MACF1: variants seen among roughly 807,000 people sequenced by gnomAD.
The protein encoded by MACF1 is microtubule-actin cross-linking factor 1.
In MACF1, 193 loss-of-function variants were observed where a neutral mutation model predicts 854.8. The ratio of observed to expected loss-of-function variants is 0.23; its 90% CI spans 0.20 to 0.25. The LOEUF (loss-of-function observed/expected upper bound fraction) is 0.25. Among genes scored for constraint, MACF1 ranks in the 10% least tolerant of loss-of-function variants. MACF1 has a pLI of 1.00. For missense variants in MACF1, 7,722 were observed against 8,929.1 expected, an observed-to-expected ratio of 0.86 and a Z score of 5.45; for synonymous variants, 3,185 against 3,226.7, an observed-to-expected ratio of 0.99 and a Z score of 0.44.
chr1:39,213,537 G>A (rs1644541112), intron 1 of MACF1, among the ~76,000 whole-genome samples: 1 of 152,050 alleles, frequency 6.6e-6, no homozygotes, highest in Non-Finnish European at 1.5e-5. Context: ...GTTTTACCGT[G>A]TTGGCCCCAG....
intron 2 of MACF1, among the ~76,000 whole-genome samples, chr1:39,153,270 G>C (rs1023975571): frequency 6.6e-6 from 1 of 152,096 alleles, no homozygotes; most frequent in Non-Finnish European, 1.5e-5. Flanking sequence ...AGGTTATTTT[G>C]GGATTTTATA....
Position 39,447,768 on chromosome 1 carries a change from T to G in MACF1, c.19838T>G (p.Leu6613Arg), listed in dbSNP as rs753513515. The G allele has an allele frequency of 6.2e-7, 1 of 1,614,066 alleles. No homozygotes were observed. The highest frequency in any genetic ancestry group is 8.5e-7 in the Non-Finnish European group (1 of 1,180,012). The change falls in exon 82 of 101, where the codon CTT becomes CGT. Residue 6613 changes from leucine (L) to arginine (R), a missense_variant. Physicochemically the swap from Leu to Arg is moderately radical, Grantham distance 102. Coordinates refer to ENST00000564288, the MANE Select transcript of MACF1 (RefSeq NM_001394062.1). ...LDQTGNQLKFLSQKQDVVLIK... is the reference protein window; with the variant it reads ...LDQTGNQLKFRSQKQDVVLIK... Reference sequence around the variant, plus strand: ...CAAACTGGGAATCAATTAAAGTTCCTTAGCCAAAAGCAGGATGTTGTTCTG... The same window carrying G: ...CAAACTGGGAATCAATTAAAGTTCCGTAGCCAAAAGCAGGATGTTGTTCTG...
intron 2 of MACF1, among the ~76,000 whole-genome samples, chr1:39,097,066 G>A (rs1261995033): frequency 1.3e-5 from 2 of 151,692 alleles, no homozygotes; most frequent in Non-Finnish European, 2.9e-5. Context: ...TAGTAGAGAC[G>A]GAGTTTCACC....
intron 2 of MACF1, among the ~76,000 whole-genome samples, chr1:39,137,206 A>G (rs1001616778): frequency 2.6e-5 from 4 of 152,180 alleles, no homozygotes; most frequent in African/African-American, 7.2e-5. Context: ...AGTAACTGCA[A>G]TTACAGATGT....
At chr1:39,369,258 A>G (rs1186248106) in intron 50 of MACF1, among the ~76,000 whole-genome samples, 1 of 152,192 alleles carries the variant, frequency 6.6e-6, no homozygotes, top group East Asian at 1.9e-4. Context: ...TTGAAAAGCC[A>G]TGATTCCTCA....
chr1:39,259,062 T>C (rs1489215196), intron 6 of MACF1, among the ~76,000 whole-genome samples: 1 of 152,198 alleles, frequency 6.6e-6, no homozygotes, highest in Non-Finnish European at 1.5e-5. Flanking sequence ...GTAGGTGTGC[T>C]CTGTCTGGCA....
In MACF1 at chr1:39,460,815, A is replaced by G. The variant is rs1341105005; in HGVS notation, c.21523+21A>G. The G allele has an allele frequency of 6.2e-7, 1 of 1,613,332 alleles. No homozygotes were observed. The highest frequency in any genetic ancestry group is 8.5e-7 in the Non-Finnish European group (1 of 1,179,418). ...ATCCAGTGAGTCTAGTCATCATTCCAAACATGGGTCACACCTGGATTCCTT... is the reference window on the plus strand; with the variant it reads ...ATCCAGTGAGTCTAGTCATCATTCCGAACATGGGTCACACCTGGATTCCTT... On this transcript the variant is annotated intron_variant, in intron 92 of 100. Transcript: ENST00000564288. The surrounding 1 kb of genome is among the most constrained non-coding windows in gnomAD (Gnocchi z 4.1).
intron 58 of MACF1, among the ~76,000 whole-genome samples, chr1:39,397,754 G>C (rs552760522): frequency 6.6e-6 from 1 of 152,262 alleles, no homozygotes; most frequent in African/African-American, 2.4e-5. Flanking sequence ...TTGGGTACTT[G>C]AAGTATGGTT....
intron 52 of MACF1, among the ~76,000 whole-genome samples, chr1:39,373,686 C>T (rs1557616489): frequency 6.7e-6 from 1 of 150,216 alleles, no homozygotes; most frequent in Admixed American, 6.6e-5. Flanking sequence ...AACCTTGTCT[C>T]TACTAAAAAT....
At chr1:39,165,507 A>AT (rs1038008945) in intron 2 of MACF1, among the ~76,000 whole-genome samples, 14 of 152,048 alleles carry the variant, frequency 9.2e-5, no homozygotes, top group East Asian at 3.9e-4. Flanking sequence ...TGCAATGTGT[A>AT]TTTTTTTTGT....
intron 23 of MACF1, among the ~76,000 whole-genome samples, chr1:39,305,363 A>G (rs1646149480): frequency 6.6e-6 from 1 of 152,046 alleles, no homozygotes; most frequent in African/African-American, 2.4e-5. Flanking sequence ...AAAATTAGCT[A>G]TCACCTCTCC....
chr1:39,282,442 A>G, intron 7 of MACF1, 68 bp downstream of exon 7: 1 of 1,446,968 alleles, frequency 6.9e-7, no homozygotes, highest in Non-Finnish European at 9.3e-7. Context: ...ATTAGTTATA[A>G]TACTGTTTCC....
rs532500821 is a variant in MACF1, at chr1:39,436,383, C to T, written c.17988+622C>T. 45 of 1,274,272 alleles carry T rather than the reference C, an allele frequency of 3.5e-5. No individual in the cohort carries two copies. In the African/African-American group the frequency reaches 4.4e-4, roughly 12 times the overall value. 78.9% of individuals were successfully genotyped at this position (1,274,272 alleles called of 1,614,324 possible). On this transcript the variant is annotated intron_variant, in intron 70 of 100. Transcript: ENST00000564288. The stretch of plus-strand genomic sequence containing the variant: ...CCCACCTTCCGTCCCATCTCTCACT[C>T]ACATTGTGGAATGTGTTACTTTGTG...
chr1:39,092,186 C>T (rs1641824682), intron 2 of MACF1, among the ~76,000 whole-genome samples: 1 of 152,182 alleles, frequency 6.6e-6, no homozygotes, highest in African/African-American at 2.4e-5. Context: ...TGCATCTATT[C>T]TTGCTCTCCT....
chr1:39,469,613 T>C lies in MACF1; in HGVS notation c.21956T>C (p.Ile7319Thr), dbSNP rs541221735. The C allele has an allele frequency of 6.4e-7, 1 of 1,550,436 alleles. No individual in the cohort carries two copies. Among genetic ancestry groups the C allele is most frequent in the Non-Finnish European group, 8.7e-7 (1 of 1,146,824 alleles). ...SSSSISSQSP[I>T]ARGRTNIELR... ...TCTTCGATTTCCAGTCAGTCTCCCA[T>C]AGGTTGGCTTTTAAGCTTTGTCCCT... is the stretch of plus-strand genomic sequence containing the variant. Residue 7319 changes from isoleucine to threonine, a missense_variant and splice_region_variant, in exon 97 of 101, where the codon ATA (isoleucine) becomes ACA (threonine). Ile to Thr is a moderately conservative substitution (Grantham distance 89). Coordinates refer to ENST00000564288, the MANE Select transcript of MACF1 (RefSeq NM_001394062.1).
intron 2 of MACF1, among the ~76,000 whole-genome samples, chr1:39,135,449 A>G (rs1433066578): frequency 6.6e-6 from 1 of 152,040 alleles, no homozygotes; most frequent in Non-Finnish European, 1.5e-5. Flanking sequence ...GGGTTTCACC[A>G]TGTTGGCCAG....
chr1:39,154,549 T>C (rs534163063), intron 2 of MACF1, among the ~76,000 whole-genome samples: 2 of 152,204 alleles, frequency 1.3e-5, no homozygotes, highest in South Asian at 4.2e-4. Flanking sequence ...AAGGTGTTGA[T>C]TTCTAGGGGG....
At chr1:39,266,968 T>C (rs972259497) in intron 6 of MACF1, among the ~76,000 whole-genome samples, 2 of 152,202 alleles carry the variant, frequency 1.3e-5, no homozygotes, top group Non-Finnish European at 2.9e-5. Context: ...GGCAGCTTCT[T>C]CTCTTACTCC....
At chr1:39,341,668 A>G (rs1270872974) in intron 40 of MACF1, among the ~76,000 whole-genome samples, 1 of 151,896 alleles carries the variant, frequency 6.6e-6, no homozygotes, top group Non-Finnish European at 1.5e-5. Flanking sequence ...ATTGCACTCC[A>G]GCTTGGGCAA....
Sources: gnomAD v4.1 joint callset for allele counts (sites outside exome capture counted in the v4.1 genomes callset) on GRCh38, gnomAD v4.1.1 for gene constraint, Gnocchi (gnomAD v3.1) non-coding constraint, MANE v1.5 for transcripts, NCBI Gene and HGNC (gene_info 2026-07-23, HGNC 2026-07-21) for gene names.